Variants in ANO4 observed in about 807,000 individuals in gnomAD.
The protein encoded by ANO4 is anoctamin-4.
In ANO4, 69 loss-of-function variants were observed where a neutral mutation model predicts 141.9. That is an observed-to-expected ratio of 0.49 (90% CI 0.40 to 0.59). The LOEUF (loss-of-function observed/expected upper bound fraction) is 0.59. Among genes scored for constraint, ANO4 ranks in the 20% least tolerant of loss-of-function variants. The probability of loss-of-function intolerance (pLI) is 0.00; values close to 1 mark genes in which losing one functional copy is unlikely to be tolerated. For missense variants in ANO4, 894 were observed against 1,162.2 expected, an observed-to-expected ratio of 0.77 and a Z score of 3.36; for synonymous variants, 350 against 394.3, an observed-to-expected ratio of 0.89 and a Z score of 1.33.
At chr12:101,025,096 C>G (rs1235850801) in intron 9 of ANO4, among the ~76,000 whole-genome samples, 1 of 152,128 alleles carries the variant, frequency 6.6e-6, no homozygotes, top group Non-Finnish European at 1.5e-5. Flanking sequence ...CTTTAAAGAT[C>G]AACATGTTAA....
At chr12:101,020,174 G>T in intron 9 of ANO4, 34 bp downstream of exon 9, 1 of 1,454,120 alleles carries the variant, frequency 6.9e-7, no homozygotes, top group Non-Finnish European at 9.6e-7. Context: ...AACTACATTT[G>T]GCATTTGGGA....
At chr12:100,885,852 C>T (rs2039798623) in intron 1 of ANO4, among the ~76,000 whole-genome samples, 1 of 152,202 alleles carries the variant, frequency 6.6e-6, no homozygotes, top group Non-Finnish European at 1.5e-5. Flanking sequence ...AGAACTCCAG[C>T]TGGACGCATT....
chr12:101,055,436 G>T (rs1379525507), intron 14 of ANO4, among the ~76,000 whole-genome samples: 2 of 152,142 alleles, frequency 1.3e-5, no homozygotes, highest in African/African-American at 2.4e-5. Flanking sequence ...TAGCGATGTT[G>T]AACATCTTTT....
At chr12:100,747,386 G>A (rs1431479239) in intron 3 of ANO4, among the ~76,000 whole-genome samples, 6 of 151,904 alleles carry the variant, frequency 3.9e-5, no homozygotes, top group African/African-American at 1.5e-4. Context: ...TGCCCTGCCT[G>A]CTTCCCTACA....
intron 9 of ANO4, among the ~76,000 whole-genome samples, chr12:101,022,391 C>T (rs2046570361): frequency 6.6e-6 from 1 of 152,192 alleles, no homozygotes; most frequent in Non-Finnish European, 1.5e-5. Context: ...TCATATACAA[C>T]TCTTCTTTTG....
chr12:101,102,409 G>T (rs780001173), intron 22 of ANO4, among the ~76,000 whole-genome samples: 2 of 152,100 alleles, frequency 1.3e-5, no homozygotes, highest in Non-Finnish European at 2.9e-5. Context: ...AGCCATTTGG[G>T]TTGGTATGCA....
chr12:100,865,264 TATA>T (rs1200007473), intron 1 of ANO4, among the ~76,000 whole-genome samples: 35 of 152,076 alleles, frequency 2.3e-4, no homozygotes, highest in South Asian at 1.9e-3. Flanking sequence ...TAAAAGTGTC[TATA>T]TTTCTCCGAA....
chr12:100,981,543 C>T (rs2044464736), intron 7 of ANO4, among the ~76,000 whole-genome samples: 1 of 152,064 alleles, frequency 6.6e-6, no homozygotes, highest in Admixed American at 6.5e-5. Flanking sequence ...TCTGTAGGTT[C>T]CCTCTAGGCA....
rs576504801 is a variant in ANO4, at chr12:100,972,956, C to T, written c.557+1550C>T. Among the ~76,000 whole-genome samples the T allele has an allele frequency of 2.6e-5, 4 of 152,362 alleles. No individual in the cohort carries two copies. The East Asian group carries it at 7.7e-4, about 29-fold the overall frequency. On this transcript the variant is annotated intron_variant, in intron 6 of 27. Transcript: ENST00000392977. ...GGCCACATCATGAATAACACTTCTGCATGCCTACTACACAGCAGAAATGTG... is the reference window on the plus strand; with the variant it reads ...GGCCACATCATGAATAACACTTCTGTATGCCTACTACACAGCAGAAATGTG...
intron 19 of ANO4, 137 bp downstream of exon 19, chr12:101,096,784 C>G: frequency 1.5e-6 from 1 of 656,250 alleles, no homozygotes; most frequent in Non-Finnish European, 2.6e-6. Context: ...CTCCTCCCTT[C>G]TCTTCCCAAA....
intron 14 of ANO4, 96 bp from the exon 15 acceptor site, chr12:101,079,097 T>C: frequency 9.6e-7 from 1 of 1,045,514 alleles, no homozygotes; most frequent in Non-Finnish European, 1.5e-6. Context: ...CTAACAACTG[T>C]CATTCTTGGC....
intron 8 of ANO4, among the ~76,000 whole-genome samples, chr12:100,995,548 G>A (rs1331069760): frequency 6.6e-6 from 1 of 152,092 alleles, no homozygotes; most frequent in African/African-American, 2.4e-5. Flanking sequence ...ATTTTTTCAA[G>A]TTTCTATCTT....
At chr12:100,806,535 T>G (rs1448122540) in intron 1 of ANO4, among the ~76,000 whole-genome samples, 314 of 37,646 alleles carry the variant, frequency 8.3e-3, no homozygotes, top group Non-Finnish European at 0.01. Flanking sequence ...TTTTTTTTTT[T>G]TTTTTTTTTT....
chr12:100,893,380 G>A (rs2040197223), intron 1 of ANO4, among the ~76,000 whole-genome samples: 2 of 151,910 alleles, frequency 1.3e-5, no homozygotes, highest in Admixed American at 1.3e-4. Flanking sequence ...AATCTCAGTG[G>A]TTCACACCCA....
upstream of ANO4, among the ~76,000 whole-genome samples, chr12:100,790,844 G>A (rs1412016120): frequency 1.3e-5 from 2 of 152,100 alleles, no homozygotes; most frequent in African/African-American, 2.4e-5. Context: ...TTGCAAACCC[G>A]CCTACTAAGC....
At chr12:100,734,077 G>C (rs1011779003) in intron 2 of ANO4, among the ~76,000 whole-genome samples, 34 of 152,208 alleles carry the variant, frequency 2.2e-4, no homozygotes, top group African/African-American at 8.2e-4. Context: ...TGTCCAGGGA[G>C]ATAAGAAGTC....
rs1461545799 is a variant in ANO4 at position 100,901,626 on chromosome 12, G to A, written c.-140-20G>A. ...TCTGAAGTGACTTCTTCAGTCTAAT[G>A]GTGCCATTTCTCATTCCAGGTTTAA... On this transcript the variant is annotated intron_variant, in intron 1 of 27. Transcript: ENST00000392977. 4 of 748,896 alleles carry A rather than the reference G, an allele frequency of 5.3e-6. No individual in the cohort carries two copies. The South Asian group carries it at 5.8e-5, about 11-fold the overall frequency. The allele number at this position is 748,896 out of a possible 1,614,324, so 46.4% of individuals were successfully genotyped here. A position where few individuals can be genotyped will look rare whatever the true frequency, so the allele number is the denominator to read the frequency against.
At chr12:100,855,622 A>G (rs1447364889) in intron 1 of ANO4, among the ~76,000 whole-genome samples, 1 of 152,164 alleles carries the variant, frequency 6.6e-6, no homozygotes, top group Non-Finnish European at 1.5e-5. Flanking sequence ...AAATTTCCCC[A>G]GAATATTTTT....
At chr12:101,068,336 A>C (rs1168279174) in intron 14 of ANO4, 7 of 1,188,184 alleles carry the variant, frequency 5.9e-6, no homozygotes, top group Admixed American at 1.7e-5. Flanking sequence ...TTGAGAGAAG[A>C]TGCAGAAACT....
Sources: allele counts gnomAD v4.1 joint callset (sites outside exome capture counted in the v4.1 genomes callset), GRCh38; gene constraint gnomAD v4.1.1; transcripts MANE v1.5; gene names NCBI Gene and HGNC (gene_info 2026-07-23, HGNC 2026-07-21).